Variants in SLC9A7 observed in about 807,000 individuals in gnomAD.
SLC9A7 encodes the protein solute carrier family 9 member A7.
In SLC9A7, 19 loss-of-function variants were observed where a neutral mutation model predicts 52.6. The observed-to-expected ratio is 0.36, with a 90% CI of 0.25 to 0.53. SLC9A7 has a LOEUF of 0.53. Among genes scored for constraint, SLC9A7 ranks in the 20% least tolerant of loss-of-function variants. SLC9A7 has a pLI of 0.91. For synonymous variants in SLC9A7, 226 were observed against 252.1 expected (o/e 0.90, Z 0.98); for missense variants, 455 against 597.9 (o/e 0.76, Z 2.49).
rs1298026000 is a variant in SLC9A7 at position 46,600,296 on chromosome X, TTCTA to T, written c.*6652_*6655del. 1.8e-5 allele frequency: 2 copies of T among 112,218 alleles called. No individual in the cohort carries two copies. Among genetic ancestry groups the T allele is most frequent in the Non-Finnish European group, 3.8e-5 (2 of 53,264 alleles). The allele number at this position is 112,218 out of a possible 1,213,427, so 9.2% of individuals were successfully genotyped here. A position where few individuals can be genotyped will look rare whatever the true frequency, so the allele number is the denominator to read the frequency against. ...GTTTCCATGCTGTTTACAAGTCCTT[TTCTA>T]TCTGAGTTCCTCCAACATATACAGG... On this transcript the variant is annotated 3_prime_UTR_variant, in exon 17 of 17. Transcript: ENST00000616978.
At chrX:46,627,318 C>T (rs1319733278) in intron 14 of SLC9A7, among the ~76,000 whole-genome samples, 1 of 108,817 alleles carries the variant, frequency 9.2e-6, no homozygotes, top group African/African-American at 3.4e-5. Flanking sequence ...TGTCTCAAAA[C>T]AAAACAAAAA....
chrX:46,663,699 G>A (rs1943870185), intron 5 of SLC9A7, among the ~76,000 whole-genome samples: 1 of 106,512 alleles, frequency 9.4e-6, no homozygotes, highest in Non-Finnish European at 1.9e-5. Flanking sequence ...GGTGGCTCAC[G>A]CCTGTAATCC....
In SLC9A7 at chrX:46,600,315, A is replaced by ACAT. The variant is rs1409987268; in HGVS notation, c.*6634_*6636dup. 1 of 112,104 alleles carries ACAT rather than the reference A, an allele frequency of 8.9e-6. No homozygotes were observed. The highest frequency in any genetic ancestry group is 2.8e-4 in the East Asian group (1 of 3,578). 9.2% of individuals were successfully genotyped at this position (112,104 alleles called of 1,213,427 possible). ...GTCCTTTTCTATCTGAGTTCCTCCA[A>ACAT]CATATACAGGCCCAGACAATTTTCC... On this transcript the variant is annotated 3_prime_UTR_variant, in exon 17 of 17. Coordinates refer to ENST00000616978, the MANE Select transcript of SLC9A7 (RefSeq NM_001257291.2).
At chrX:46,679,259 G>C (rs1373631571) in intron 3 of SLC9A7, among the ~76,000 whole-genome samples, 1 of 112,563 alleles carries the variant, frequency 8.9e-6, no homozygotes. Flanking sequence ...ATATACCATA[G>C]TTTGTTTAAC....
intron 10 of SLC9A7, among the ~76,000 whole-genome samples, chrX:46,650,453 T>C (rs1943562445): frequency 9.0e-6 from 1 of 111,572 alleles, no homozygotes; most frequent in African/African-American, 3.3e-5. Context: ...TTTTCTATTT[T>C]ATCTTTTCTT....
chrX:46,754,913 AG>A (rs1556291015), intron 1 of SLC9A7, among the ~76,000 whole-genome samples: 15 of 112,579 alleles, frequency 1.3e-4, no homozygotes, highest in Non-Finnish European at 2.8e-4. Flanking sequence ...CAGTAACTTT[AG>A]GATGGCACTT....
At chrX:46,732,330 T>A (rs929253366) in intron 1 of SLC9A7, among the ~76,000 whole-genome samples, 1 of 111,070 alleles carries the variant, frequency 9.0e-6, no homozygotes, top group Non-Finnish European at 1.9e-5. Flanking sequence ...GGCGGGAGGA[T>A]CACCTGAGGT....
intron 1 of SLC9A7, among the ~76,000 whole-genome samples, chrX:46,699,392 G>A (rs1002036531): frequency 2.0e-4 from 22 of 111,603 alleles, no homozygotes; most frequent in African/African-American, 6.8e-4. Flanking sequence ...AAAAGAACAT[G>A]CCCATTCTAA....
chrX:46,619,728 C>T (rs866165459), intron 15 of SLC9A7, among the ~76,000 whole-genome samples: 1 of 66,307 alleles, frequency 1.5e-5, no homozygotes, highest in Non-Finnish European at 2.5e-5. Context: ...TGGCAATTTT[C>T]TTTCTTTCTT....
chrX:46,616,341 A>C (rs1001307250), intron 15 of SLC9A7, among the ~76,000 whole-genome samples: 5 of 108,207 alleles, frequency 4.6e-5, no homozygotes, highest in Non-Finnish European at 9.6e-5. Context: ...CACCCCCCCA[A>C]AAAAAAACAA....
chrX:46,741,123 C>T (rs768677999), intron 1 of SLC9A7, among the ~76,000 whole-genome samples: 1 of 111,777 alleles, frequency 8.9e-6, no homozygotes, highest in African/African-American at 3.2e-5. Flanking sequence ...AACTATAAAA[C>T]ATTTTTGAGA....
Position 46,668,645 on chromosome X carries a change from G to A in SLC9A7, c.793+962C>T, listed in dbSNP as rs772641125. Reference sequence around the variant, plus strand: ...ACATTATGCTAAGTGAAATAAGCCAGTCACAAAAGGACAAATACTGTATGA... The same window carrying A: ...ACATTATGCTAAGTGAAATAAGCCAATCACAAAAGGACAAATACTGTATGA... On this transcript the variant is annotated intron_variant, in intron 5 of 16. Coordinates refer to ENST00000616978, the MANE Select transcript of SLC9A7 (RefSeq NM_001257291.2). 2.7e-5 allele frequency among the ~76,000 whole-genome samples: 3 copies of A among 112,376 alleles called. No individual in the cohort carries two copies. In the Admixed American group the frequency reaches 2.8e-4, roughly 11 times the overall value.
At chrX:46,700,896 A>G (rs1361278714) in intron 1 of SLC9A7, among the ~76,000 whole-genome samples, 1 of 111,450 alleles carries the variant, frequency 9.0e-6, no homozygotes, top group African/African-American at 3.3e-5. Flanking sequence ...CTTATTCCAG[A>G]TATGTTTTTA....
At position 46,676,798 on chromosome X, in the gene SLC9A7, T is replaced by C. The variant is rs749548845; in HGVS notation, c.603+2880A>G. On this transcript the variant is annotated intron_variant, in intron 3 of 16. Transcript: ENST00000616978. ...TCGGATGACCCTGGCAACCCCAGAG[T>C]AGTCAGGAAAACAATATAGTCTTTT... Among the ~76,000 whole-genome samples, 5 of 110,692 alleles carry C rather than the reference T, an allele frequency of 4.5e-5. No homozygotes were observed. In the South Asian group the frequency reaches 1.9e-3, roughly 43 times the overall value.
intron 1 of SLC9A7, among the ~76,000 whole-genome samples, chrX:46,724,407 G>A (rs1486781179): frequency 8.9e-6 from 1 of 112,280 alleles, no homozygotes; most frequent in Non-Finnish European, 1.9e-5. Flanking sequence ...GGTTTCTGGA[G>A]TGGAGTTATA....
At chrX:46,678,628 G>C (rs758660349) in intron 3 of SLC9A7, among the ~76,000 whole-genome samples, 1 of 108,822 alleles carries the variant, frequency 9.2e-6, no homozygotes, top group East Asian at 2.9e-4. Flanking sequence ...GTAGAGGCAG[G>C]GTCTTGCTAT....
chrX:46,629,750 C>A (rs1943191966), intron 14 of SLC9A7, among the ~76,000 whole-genome samples: 1 of 111,729 alleles, frequency 9.0e-6, no homozygotes, highest in Non-Finnish European at 1.9e-5. Context: ...CCATGTCCTA[C>A]CAGAGCCATT....
intron 14 of SLC9A7, among the ~76,000 whole-genome samples, chrX:46,624,091 A>G (rs914329111): frequency 2.7e-5 from 3 of 112,050 alleles, no homozygotes; most frequent in African/African-American, 9.7e-5. Flanking sequence ...GGCGCCACAT[A>G]CTCCCATCCC....
rs758876233 is a variant in SLC9A7 at position 46,654,624 on chromosome X, C to T, written c.1042-910G>A. Among the ~76,000 whole-genome samples, 9 of 110,191 alleles carry T rather than the reference C, an allele frequency of 8.2e-5. No individual in the cohort carries two copies. In the South Asian group the frequency reaches 3.2e-3, roughly 39 times the overall value. ...GAAGACAAGGCCTGTGAGACCCTGACCCCTGTGCACCACCGAGGCCACCTG... is the reference window on the plus strand; with the variant it reads ...GAAGACAAGGCCTGTGAGACCCTGATCCCTGTGCACCACCGAGGCCACCTG... On this transcript the variant is annotated intron_variant, in intron 7 of 16. Coordinates refer to ENST00000616978, the MANE Select transcript of SLC9A7 (RefSeq NM_001257291.2).
Sources: allele counts gnomAD v4.1 joint callset (sites outside exome capture counted in the v4.1 genomes callset), GRCh38; gene constraint gnomAD v4.1.1; transcripts MANE v1.5; gene names NCBI Gene and HGNC (gene_info 2026-07-23, HGNC 2026-07-21).